ZNF181: variants seen among roughly 807,000 people sequenced by gnomAD.
The protein encoded by ZNF181 is zinc finger protein 181 (HHZ181).
In ZNF181, 8 loss-of-function variants were observed where a neutral mutation model predicts 11.9. The ratio of observed to expected loss-of-function variants is 0.67; its 90% confidence interval spans 0.39 to 1.21. The LOEUF is 1.21. Among genes scored for constraint, ZNF181 ranks in the 50% most tolerant of loss-of-function variants. The probability of loss-of-function intolerance (pLI) is 0.01; values close to 1 mark genes in which losing one functional copy is unlikely to be tolerated. For missense variants in ZNF181, 542 were observed against 670.9 expected (o/e 0.81, Z 2.12); for synonymous variants, 202 against 221.1 (o/e 0.91, Z 0.77).
chr19:34,740,674 C>G lies in ZNF181; in HGVS notation c.293C>G (p.Ser98Ter). 6.2e-7 allele frequency: 1 copy of G among 1,605,430 alleles called. No homozygotes were observed. The highest frequency in any genetic ancestry group is 1.3e-5 in the African/African-American group (1 of 74,472). ...AAGAAGGATAATTATGATGAAGATT[C>G]ACCCCAAACAGTAATAATAGAAAAA... Reference protein sequence around the residue: ...STKKDNYDEDSPQTVIIEKVV... With the variant: ...STKKDNYDED Residue 98 changes from serine (S) to a stop codon, truncating the protein, a stop_gained, in exon 4 of 4, where the codon TCA (serine) becomes TGA (stop). Transcript: ENST00000492450. LOFTEE classifies it low-confidence loss of function (END_TRUNC).
At chr19:34,736,819 CAGAT>C (rs1462962648) in intron 1 of ZNF181, among the ~76,000 whole-genome samples, 1 of 152,198 alleles carries the variant, frequency 6.6e-6, no homozygotes, top group East Asian at 1.9e-4. Context: ...AATGCCAGGA[CAGAT>C]AGGCTATGTT....
In ZNF181 at chr19:34,743,814, T is replaced by TA. The variant is rs979125573; in HGVS notation, c.*1719dup. On this transcript the variant is annotated 3_prime_UTR_variant, in exon 4 of 4. Transcript: ENST00000492450. ...GCAGCAATATATGTCTTGAAATAGTTAAGAGAGATTTTGTTCTCTGCACTG... is the reference window on the plus strand; with the variant it reads ...GCAGCAATATATGTCTTGAAATAGTTAAAGAGAGATTTTGTTCTCTGCACTG... 4 of 152,242 alleles carry TA rather than the reference T, an allele frequency of 2.6e-5. No individual in the cohort carries two copies. Among genetic ancestry groups the TA allele is most frequent in the African/African-American group, 9.6e-5 (4 of 41,460 alleles). 9.4% of individuals were successfully genotyped at this position (152,242 alleles called of 1,614,324 possible).
In ZNF181 at chr19:34,741,452, C is replaced by T; in HGVS notation, c.1071C>T (p.Ala357=). ...ATGAGTGTCGTATATGTGGAAAGGCCTTCATTCATAGGTCATCTCTCATTC... is the reference window on the plus strand; with the variant it reads ...ATGAGTGTCGTATATGTGGAAAGGCTTTCATTCATAGGTCATCTCTCATTC... ...KLYECRICGK[A]FIHRSSLIHH... The change falls in exon 4 of 4, where the codon GCC becomes GCT. Residue 357 remains alanine, a synonymous_variant. Transcript: ENST00000492450. 1 of 1,613,786 alleles carries T rather than the reference C, an allele frequency of 6.2e-7. No homozygotes were observed. The highest frequency in any genetic ancestry group is 8.5e-7 in the Non-Finnish European group (1 of 1,179,880).
chr19:34,742,217 G>A lies in ZNF181; in HGVS notation c.*120G>A. On this transcript the variant is annotated 3_prime_UTR_variant, in exon 4 of 4. Coordinates refer to ENST00000492450, the MANE Select transcript of ZNF181 (RefSeq NM_001029997.4). ...GGAAGACCTTTTAGCAAAGATGCAG[G>A]CCAGTTTGTTTATTAGACTTTATAC... is the stretch of plus-strand genomic sequence containing the variant. The A allele has an allele frequency of 1.9e-6, 2 of 1,028,878 alleles. No individual in the cohort carries two copies. Among genetic ancestry groups the A allele is most frequent in the Non-Finnish European group, 1.4e-6 (1 of 715,214 alleles). The allele number at this position is 1,028,878 out of a possible 1,614,324, so 63.7% of individuals were successfully genotyped here. A position where few individuals can be genotyped will look rare whatever the true frequency, so the allele number is the denominator to read the frequency against.
In ZNF181 at chr19:34,743,837, C is replaced by A. The variant is rs1160277994; in HGVS notation, c.*1740C>A. The A allele has an allele frequency of 5.9e-5, 9 of 152,212 alleles. No individual in the cohort carries two copies. The highest frequency in any genetic ancestry group is 1.9e-4 in the African/African-American group (8 of 41,452). The allele number at this position is 152,212 out of a possible 1,614,324, so 9.4% of individuals were successfully genotyped here. A position where few individuals can be genotyped will look rare whatever the true frequency, so the allele number is the denominator to read the frequency against. ...GTTAAGAGAGATTTTGTTCTCTGCA[C>A]TGAACCTTGACAGATAATTATGTTT... On this transcript the variant is annotated 3_prime_UTR_variant, in exon 4 of 4. Transcript: ENST00000492450.
At chr19:34,740,437 T>G (rs987386113) in intron 3 of ZNF181, among the ~76,000 whole-genome samples, 174 bp from the exon 4 acceptor site, 7 of 152,240 alleles carry the variant, frequency 4.6e-5, no homozygotes, top group African/African-American at 1.7e-4. Flanking sequence ...AACTCTGTAT[T>G]CTCTGCTCCA....
rs2145436940 is a variant in ZNF181, at chr19:34,745,157, C to A, written c.*3060C>A. 1 of 152,308 alleles carries A rather than the reference C, an allele frequency of 6.6e-6. No homozygotes were observed. Among genetic ancestry groups the A allele is most frequent in the Admixed American group, 6.5e-5 (1 of 15,310 alleles). The allele number at this position is 152,308 out of a possible 1,614,324, so 9.4% of individuals were successfully genotyped here. A position where few individuals can be genotyped will look rare whatever the true frequency, so the allele number is the denominator to read the frequency against. ...CCTCAGTCATACCTATTAACCATTT[C>A]TTGAGCATCCACTATGGGCTTAATA... On this transcript the variant is annotated 3_prime_UTR_variant, in exon 4 of 4. Coordinates refer to ENST00000492450, the MANE Select transcript of ZNF181 (RefSeq NM_001029997.4).
Position 34,741,346 on chromosome 19 carries a change from A to T in ZNF181, c.965A>T (p.Glu322Val). The stretch of plus-strand genomic sequence containing the variant: ...ACTCACACTGGAGAGAAACCATATG[A>T]ATGTATGAACTGTGGAAAGTCTTTT... ...QSTHTGEKPYECMNCGKSFSR... is the reference protein window; with the variant it reads ...QSTHTGEKPYVCMNCGKSFSR... Residue 322 changes from glutamate (E) to valine (V), a missense_variant, in exon 4 of 4, where the codon GAA becomes GTA. Coordinates refer to ENST00000492450, the MANE Select transcript of ZNF181 (RefSeq NM_001029997.4). The T allele has an allele frequency of 6.2e-7, 1 of 1,613,914 alleles. No individual in the cohort carries two copies. The highest frequency in any genetic ancestry group is 8.5e-7 in the Non-Finnish European group (1 of 1,179,822).
Position 34,740,771 on chromosome 19 carries a change from G to A in ZNF181, c.390G>A (p.Lys130=). ...NLEYIEKLEG[K]HGSQVDHFRP... Reference sequence around the variant, plus strand: ...AATATATAGAGAAGTTGGAAGGGAAGCATGGAAGTCAGGTAGACCATTTCA... The same window carrying A: ...AATATATAGAGAAGTTGGAAGGGAAACATGGAAGTCAGGTAGACCATTTCA... Residue 130 remains lysine (K), a synonymous_variant, in exon 4 of 4, where the codon AAG becomes AAA. Coordinates refer to ENST00000492450, the MANE Select transcript of ZNF181 (RefSeq NM_001029997.4). 2 of 1,613,968 alleles carry A rather than the reference G, an allele frequency of 1.2e-6. No homozygotes were observed. Among genetic ancestry groups the A allele is most frequent in the Non-Finnish European group, 1.7e-6 (2 of 1,179,938 alleles).
rs762403551 is a variant in ZNF181 at position 34,741,141 on chromosome 19, C to T, written c.760C>T (p.Arg254Cys). 4.8e-5 allele frequency: 78 copies of T among 1,614,026 alleles called. No individual in the cohort carries two copies. Among genetic ancestry groups the T allele is most frequent in the Admixed American group, 2.3e-4 (14 of 60,010 alleles). ...KAFGKQSILN[R>C]HWRIHTGEKP... is the part of the protein sequence containing the mutation. ...CTTTGGCAAACAGTCAATCCTCAAT[C>T]GCCACTGGAGAATTCATACAGGAGA... The change falls in exon 4 of 4, where the codon CGC becomes TGC. Residue 254 changes from arginine (R) to cysteine (C), a missense_variant. Transcript: ENST00000492450.
intron 3 of ZNF181, among the ~76,000 whole-genome samples, chr19:34,740,070 A>G (rs1355000618): frequency 6.6e-6 from 1 of 152,224 alleles, no homozygotes; most frequent in African/African-American, 2.4e-5. Context: ...ATATTTTCTA[A>G]TGTCCAATAA....
chr19:34,740,011 A>T (rs1217783187), intron 3 of ZNF181, among the ~76,000 whole-genome samples: 3 of 152,368 alleles, frequency 2.0e-5, no homozygotes, highest in Non-Finnish European at 2.9e-5. Flanking sequence ...TAGATGAAAT[A>T]TGAACATATT....
rs2069007479 is a variant in ZNF181, at chr19:34,743,386, TAACC to T, written c.*1292_*1295del. ...ATGGTTTACAAGTGCTATGAGGACA[TAACC>T]AAGAAACAACATACTACAAGAGATC... On this transcript the variant is annotated 3_prime_UTR_variant, in exon 4 of 4. Coordinates refer to ENST00000492450, the MANE Select transcript of ZNF181 (RefSeq NM_001029997.4). 1 of 152,170 alleles carries T rather than the reference TAACC, an allele frequency of 6.6e-6. No individual in the cohort carries two copies. The highest frequency in any genetic ancestry group is 6.5e-5 in the Admixed American group (1 of 15,280). The allele number at this position is 152,170 out of a possible 1,614,324, so 9.4% of individuals were successfully genotyped here.
Position 34,734,875 on chromosome 19 carries a change from T to A in ZNF181, c.-163T>A. ...GAGAGATTGGCGCCCTGGAGAGTGA[T>A]TACCAGTGTGCCTTTCCATTATGGT... On this transcript the variant is annotated 5_prime_UTR_variant, in exon 1 of 4. Coordinates refer to ENST00000492450, the MANE Select transcript of ZNF181 (RefSeq NM_001029997.4). 1 of 653,530 alleles carries A rather than the reference T, an allele frequency of 1.5e-6. No individual in the cohort carries two copies. Among genetic ancestry groups the A allele is most frequent in the Non-Finnish European group, 2.6e-6 (1 of 380,156 alleles). 40.5% of individuals were successfully genotyped at this position (653,530 alleles called of 1,614,324 possible).
chr19:34,738,778 C>T lies in ZNF181; in HGVS notation c.10-370C>T, dbSNP rs564733122. 5.3e-5 allele frequency among the ~76,000 whole-genome samples: 8 copies of T among 152,212 alleles called. No homozygotes were observed. In the East Asian group the frequency reaches 1.5e-3, roughly 29 times the overall value. On this transcript the variant is annotated intron_variant, in intron 1 of 3. Coordinates refer to ENST00000492450, the MANE Select transcript of ZNF181 (RefSeq NM_001029997.4). ...TTACCCTCATTTTTTAATTACTTAC[C>T]TAGCAGTTAAGCTGTAAAAGATATA...
rs188850235 is a variant in ZNF181 at position 34,742,620 on chromosome 19, T to C, written c.*523T>C. The stretch of plus-strand genomic sequence containing the variant: ...AGTTATGTGTAAATCTTTGCAGTCA[T>C]GCTATTTGTAAACTGGATTCTACAG... On this transcript the variant is annotated 3_prime_UTR_variant, in exon 4 of 4. Coordinates refer to ENST00000492450, the MANE Select transcript of ZNF181 (RefSeq NM_001029997.4). 7 of 152,396 alleles carry C rather than the reference T, an allele frequency of 4.6e-5. No homozygotes were observed. The highest frequency in any genetic ancestry group is 1.3e-4 in the Admixed American group (2 of 15,308). The allele number at this position is 152,396 out of a possible 1,614,324, so 9.4% of individuals were successfully genotyped here. A position where few individuals can be genotyped will look rare whatever the true frequency, so the allele number is the denominator to read the frequency against.
In ZNF181 at chr19:34,743,287, C is replaced by G. The variant is rs1325238016; in HGVS notation, c.*1190C>G. 1 of 152,062 alleles carries G rather than the reference C, an allele frequency of 6.6e-6. No individual in the cohort carries two copies. Among genetic ancestry groups the G allele is most frequent in the Non-Finnish European group, 1.5e-5 (1 of 67,994 alleles). The allele number at this position is 152,062 out of a possible 1,614,324, so 9.4% of individuals were successfully genotyped here. On this transcript the variant is annotated 3_prime_UTR_variant, in exon 4 of 4. Transcript: ENST00000492450. ...TTTTGATAACCATTGTAATAATGAA[C>G]AAAACAAATCTGATCTTTTTCTCGC...
In ZNF181 at chr19:34,741,364, A is replaced by G. The variant is rs776699961; in HGVS notation, c.983A>G (p.Lys328Arg). ...CCATATGAATGTATGAACTGTGGAAAGTCTTTTAGTCGTGTGTCCCATCTT... is the reference window on the plus strand; with the variant it reads ...CCATATGAATGTATGAACTGTGGAAGGTCTTTTAGTCGTGTGTCCCATCTT... The part of the protein sequence containing the change: ...EKPYECMNCG[K>R]SFSRVSHLIE... Residue 328 changes from lysine (K) to arginine (R), a missense_variant, in exon 4 of 4, where the codon AAG (lysine) becomes AGG (arginine). Physicochemically the swap from Lys to Arg is conservative, Grantham distance 26. Coordinates refer to ENST00000492450, the MANE Select transcript of ZNF181 (RefSeq NM_001029997.4). 3.7e-6 allele frequency: 6 copies of G among 1,613,896 alleles called. No homozygotes were observed. In the Admixed American group the frequency reaches 5.0e-5, roughly 13 times the overall value.
At chr19:34,738,055 A>G (rs1600140155) in intron 1 of ZNF181, among the ~76,000 whole-genome samples, 2 of 152,174 alleles carry the variant, frequency 1.3e-5, no homozygotes, top group African/African-American at 4.8e-5. Flanking sequence ...CTTTTCACCC[A>G]GGGGTCTCAT....
Sources: gnomAD v4.1 joint callset for allele counts (sites outside exome capture counted in the v4.1 genomes callset) on GRCh38, gnomAD v4.1.1 for gene constraint, MANE v1.5 for transcripts, NCBI Gene and HGNC (gene_info 2026-07-23, HGNC 2026-07-21) for gene names.